Variants in CAB39 observed in about 807,000 individuals in gnomAD.
CAB39 encodes the protein calcium-binding protein 39.
In CAB39, 8 loss-of-function variants were observed where a neutral mutation model predicts 40.0. That is an observed-to-expected ratio of 0.20 (90% CI 0.12 to 0.36). CAB39 has a LOEUF of 0.36. Ranked by LOEUF, CAB39 falls within the 10% of genes least tolerant of loss-of-function variation. The probability of loss-of-function intolerance (pLI) is 1.00; values close to 1 mark genes in which losing one functional copy is unlikely to be tolerated. For missense variants in CAB39, 270 were observed against 401.1 expected (o/e 0.67, Z 2.79); for synonymous variants, 156 against 141.6 (o/e 1.10, Z -0.72).
chr2:230,804,523 T>C (rs1168715084), intron 5 of CAB39, among the ~76,000 whole-genome samples: 1 of 152,074 alleles, frequency 6.6e-6, no homozygotes, highest in Non-Finnish European at 1.5e-5. Context: ...ATCCAGAATC[T>C]ACAAAGAACT....
chr2:230,735,687 A>C (rs938616732), intron 1 of CAB39, among the ~76,000 whole-genome samples: 3 of 148,208 alleles, frequency 2.0e-5, no homozygotes, highest in Non-Finnish European at 4.5e-5. Context: ...CTAAGTTTTA[A>C]ATTTTTTTAT....
chr2:230,714,645 T>TA (rs1290137944), intron 1 of CAB39, among the ~76,000 whole-genome samples: 1 of 152,228 alleles, frequency 6.6e-6, no homozygotes, highest in African/African-American at 2.4e-5. Context: ...TGATGATTTT[T>TA]AAAAAATGGT....
At chr2:230,792,402 G>C (rs76786228) in intron 3 of CAB39, among the ~76,000 whole-genome samples, 1 of 152,164 alleles carries the variant, frequency 6.6e-6, no homozygotes, top group Non-Finnish European at 1.5e-5. Flanking sequence ...GAGCTAGTGC[G>C]GGGCCCAGGA....
chr2:230,797,144 G>T (rs533540398), intron 4 of CAB39, among the ~76,000 whole-genome samples: 1 of 152,110 alleles, frequency 6.6e-6, no homozygotes, highest in Admixed American at 6.5e-5. Flanking sequence ...AATTGTCCAG[G>T]TATGAATTAA....
intron 2 of CAB39, among the ~76,000 whole-genome samples, chr2:230,785,048 A>G (rs1695764586): frequency 6.6e-6 from 1 of 152,342 alleles, no homozygotes; most frequent in Admixed American, 6.5e-5. Context: ...AATGGCATGC[A>G]CTGTGGGCTC....
At chr2:230,725,898 A>T (rs1694561471) in intron 1 of CAB39, among the ~76,000 whole-genome samples, 1 of 152,204 alleles carries the variant, frequency 6.6e-6, no homozygotes, top group African/African-American at 2.4e-5. Context: ...GGAATCTACA[A>T]ATCATCAGAC....
chr2:230,815,128 A>G (rs1386131249), intron 7 of CAB39, among the ~76,000 whole-genome samples: 1 of 152,236 alleles, frequency 6.6e-6, no homozygotes, highest in Non-Finnish European at 1.5e-5. Context: ...TTTGATAGGA[A>G]CACTCCACCG....
At chr2:230,796,092 TG>T (rs1390010684) in intron 4 of CAB39, among the ~76,000 whole-genome samples, 1 of 152,188 alleles carries the variant, frequency 6.6e-6, no homozygotes, top group East Asian at 1.9e-4. Context: ...CCTTGCTTTC[TG>T]GCGTAGGATG....
chr2:230,720,529 G>A (rs376710798), intron 1 of CAB39, among the ~76,000 whole-genome samples: 1 of 152,200 alleles, frequency 6.6e-6, no homozygotes, highest in East Asian at 1.9e-4. Context: ...TCCGCCTCCC[G>A]GGTTCAAGCG....
intron 2 of CAB39, among the ~76,000 whole-genome samples, chr2:230,781,805 G>A (rs1042799624): frequency 6.6e-6 from 1 of 152,212 alleles, no homozygotes; most frequent in African/African-American, 2.4e-5. Context: ...CCTAATGCAA[G>A]CTGCTATGAA....
intron 8 of CAB39, 44 bp downstream of exon 8, chr2:230,817,941 TC>T: frequency 6.5e-7 from 1 of 1,547,294 alleles, no homozygotes; most frequent in Non-Finnish European, 8.7e-7. Context: ...CTGGAATTGT[TC>T]GTCGTCTTTC....
rs150482599 is a variant in CAB39, at chr2:230,810,808, G to A, written c.627+486G>A. Among the ~76,000 whole-genome samples the A allele has an allele frequency of 7.2e-3, 1,102 of 152,314 alleles. 8 individuals are homozygous for A. Among genetic ancestry groups the A allele is most frequent in the Middle Eastern group, 0.02 (6 of 294 alleles). ...TAACCGCTTGGGGACTTAGAAGTCC[G>A]TCCTTATTGTAAAATGAGGACATTG... On this transcript the variant is annotated intron_variant, in intron 6 of 8. Transcript: ENST00000258418.
intron 2 of CAB39, among the ~76,000 whole-genome samples, chr2:230,767,531 C>T (rs1695409041): frequency 6.6e-6 from 1 of 152,132 alleles, no homozygotes; most frequent in Non-Finnish European, 1.5e-5. Context: ...TAACAGGGGC[C>T]TAAAGTAATT....
chr2:230,742,464 C>T (rs1379344309), intron 1 of CAB39, among the ~76,000 whole-genome samples: 1 of 151,454 alleles, frequency 6.6e-6, no homozygotes, highest in African/African-American at 2.4e-5. Flanking sequence ...CGTGAGCCCC[C>T]ACGCCTGGCC....
At chr2:230,778,573 T>C (rs16827562) in intron 2 of CAB39, among the ~76,000 whole-genome samples, 2,235 of 152,290 alleles carry the variant, frequency 0.015, 54 homozygotes, top group African/African-American at 0.05. Context: ...AGGCCATTTG[T>C]ACTAATGTTT....
chr2:230,761,617 C>T (rs568827669), intron 2 of CAB39, among the ~76,000 whole-genome samples: 9 of 152,218 alleles, frequency 5.9e-5, no homozygotes, highest in African/African-American at 1.4e-4. Context: ...ACTAATTATT[C>T]CTACTCTAAA....
intron 1 of CAB39, among the ~76,000 whole-genome samples, chr2:230,742,171 G>GTTTGTTTTTGAGATGGTC (rs1694889574): frequency 6.6e-6 from 1 of 151,922 alleles, no homozygotes; most frequent in Admixed American, 6.6e-5. Flanking sequence ...TTGTTTGTTT[G>GTTTGTTTTTGAGATGGTC]TTTGTTTGTT....
chr2:230,759,832 T>G (rs939250374), intron 1 of CAB39, 127 bp from the exon 2 acceptor site: 2 of 484,434 alleles, frequency 4.1e-6, no homozygotes, highest in African/African-American at 3.9e-5. Flanking sequence ...TCCCTGTTCC[T>G]ACTGATTTTG....
intron 2 of CAB39, among the ~76,000 whole-genome samples, chr2:230,766,103 C>A (rs1248848986): frequency 6.6e-6 from 1 of 152,072 alleles, no homozygotes; most frequent in Non-Finnish European, 1.5e-5. Context: ...GAAGAGAGTA[C>A]TGAGACCTGA....
Sources: allele counts gnomAD v4.1 joint callset (sites outside exome capture counted in the v4.1 genomes callset), GRCh38; gene constraint gnomAD v4.1.1; transcripts MANE v1.5; gene names NCBI Gene and HGNC (gene_info 2026-07-23, HGNC 2026-07-21).